Variants in CALD1 observed in about 807,000 individuals in gnomAD.
The protein encoded by CALD1 is caldesmon.
Under a neutral mutation model 99.9 loss-of-function variants are expected in CALD1, and 33 were observed. The ratio of observed to expected loss-of-function variants is 0.33; its 90% CI spans 0.25 to 0.44. CALD1 has a LOEUF of 0.44. Ranked by LOEUF, CALD1 falls within the 20% of genes least tolerant of loss-of-function variation. The pLI is 1.00. For synonymous variants in CALD1, 310 were observed against 325.0 expected (o/e 0.95, Z 0.50); for missense variants, 861 against 962.1 (o/e 0.89, Z 1.39).
chr7:134,883,099 G>A (rs904001026), intron 3 of CALD1, among the ~76,000 whole-genome samples: 4 of 152,136 alleles, frequency 2.6e-5, no homozygotes, highest in African/African-American at 7.2e-5. Context: ...CTCAAAGTAC[G>A]TAAACCCAGA....
intron 3 of CALD1, among the ~76,000 whole-genome samples, chr7:134,912,957 C>T (rs1255661838): frequency 6.6e-6 from 1 of 151,996 alleles, no homozygotes; most frequent in Non-Finnish European, 1.5e-5. Flanking sequence ...CTTTGTATAT[C>T]TTTGGGGATT....
chr7:134,939,439 C>G (rs988495509), intron 6 of CALD1, among the ~76,000 whole-genome samples: 1 of 152,168 alleles, frequency 6.6e-6, no homozygotes, highest in Non-Finnish European at 1.5e-5. Flanking sequence ...GTCAGGTTTC[C>G]TGATTTACAG....
At chr7:134,902,145 T>C (rs1169935567) in intron 3 of CALD1, among the ~76,000 whole-genome samples, 3 of 152,080 alleles carry the variant, frequency 2.0e-5, no homozygotes, top group African/African-American at 7.3e-5. Context: ...TATTGTGATA[T>C]TGGTTAGCTT....
chr7:134,950,356 T>G lies in CALD1; in HGVS notation c.1795-18T>G, dbSNP rs1191119201. 6.2e-7 allele frequency: 1 copy of G among 1,613,358 alleles called. No homozygotes were observed. The highest frequency in any genetic ancestry group is 1.7e-5 in the Admixed American group (1 of 59,976). On this transcript the variant is annotated intron_variant, in intron 8 of 14. Coordinates refer to ENST00000361675, the MANE Select transcript of CALD1 (RefSeq NM_033138.4). ...GAAGCTGGTACTGATGCCTCGTTAT[T>G]TGTTCTTTCTCTCTTAGGAAGAGAA...
At chr7:134,964,524 A>C (rs995644883) in intron 13 of CALD1, among the ~76,000 whole-genome samples, 1 of 152,142 alleles carries the variant, frequency 6.6e-6, no homozygotes, top group African/African-American at 2.4e-5. Context: ...GGGATGTTAT[A>C]ATAACTCTCT....
At position 134,968,330 on chromosome 7, in the gene CALD1, C is replaced by T; in HGVS notation, c.2377-10C>T. On this transcript the variant is annotated splice_polypyrimidine_tract_variant and intron_variant, in intron 14 of 14. Coordinates refer to ENST00000361675, the MANE Select transcript of CALD1 (RefSeq NM_033138.4). ...CAGGCTGTCAATTTCAAGTTCTCTT[C>T]TCTTGGCAGGTTTGAGACAGTTCCA... 1 of 1,613,762 alleles carries T rather than the reference C, an allele frequency of 6.2e-7. No individual in the cohort carries two copies. The highest frequency in any genetic ancestry group is 2.2e-5 in the East Asian group (1 of 44,876).
intron 1 of CALD1, among the ~76,000 whole-genome samples, chr7:134,774,372 C>T (rs934511496): frequency 6.6e-6 from 1 of 152,074 alleles, no homozygotes; most frequent in African/African-American, 2.4e-5. Context: ...GGGAGCCCTG[C>T]AGGGTGAGGC....
intron 13 of CALD1, chr7:134,960,877 T>A (rs557325837): frequency 3.2e-6 from 1 of 309,154 alleles, no homozygotes; most frequent in Admixed American, 4.6e-5. Context: ...TCAGCTAGAA[T>A]ACTGAGGCAG....
intron 1 of CALD1, among the ~76,000 whole-genome samples, chr7:134,842,763 T>C (rs1296970427): frequency 6.6e-6 from 1 of 152,168 alleles, no homozygotes; most frequent in Non-Finnish European, 1.5e-5. Flanking sequence ...ATGCTAGCAA[T>C]GTTTTTCTAT....
chr7:134,896,950 T>C (rs913716446), intron 3 of CALD1, among the ~76,000 whole-genome samples: 1 of 152,210 alleles, frequency 6.6e-6, no homozygotes, highest in Non-Finnish European at 1.5e-5. Flanking sequence ...AAAAAGGTGG[T>C]TGTAGGCTGG....
chr7:134,959,588 T>C (rs1455090318), intron 11 of CALD1, among the ~76,000 whole-genome samples: 1 of 152,094 alleles, frequency 6.6e-6, no homozygotes, highest in African/African-American at 2.4e-5. Context: ...GAGGATCACT[T>C]GAGCCCTGGA....
At chr7:134,794,026 A>G (rs1233291502) in intron 1 of CALD1, among the ~76,000 whole-genome samples, 1 of 152,140 alleles carries the variant, frequency 6.6e-6, no homozygotes. Flanking sequence ...TGCAGCTCAC[A>G]GAGGCCATGC....
the CALD1 span, among the ~76,000 whole-genome samples, chr7:134,712,627 T>C: frequency 6.6e-6 from 1 of 152,236 alleles, no homozygotes; most frequent in Admixed American, 6.5e-5. Flanking sequence ...TCATTTTACA[T>C]TTGTTCATCC....
In CALD1 at chr7:134,750,947, A is replaced by G. The variant is rs563485705; in HGVS notation, c.-130+6584A>G. Among the ~76,000 whole-genome samples the G allele has an allele frequency of 3.9e-5, 6 of 152,272 alleles. No homozygotes were observed. The East Asian group carries it at 1.2e-3, about 29-fold the overall frequency. On this transcript the variant is annotated intron_variant, in intron 1 of 13. Transcript: ENST00000417172. ...ATTCAGTCTCCCCTTATTACAGCCT[A>G]TCATTTGGGAATATGGCATGCTTCT...
chr7:134,931,395 A>G (rs1805512566), intron 4 of CALD1, among the ~76,000 whole-genome samples: 1 of 152,154 alleles, frequency 6.6e-6, no homozygotes. Flanking sequence ...TTAAATTATA[A>G]ATTTTTTGCA....
At chr7:134,775,839 C>T (rs927753796), upstream of CALD1, among the ~76,000 whole-genome samples, 1 of 152,104 alleles carries the variant, frequency 6.6e-6, no homozygotes, top group African/African-American at 2.4e-5. Context: ...TTTTCATGCC[C>T]TTAACTCAAG....
At chr7:134,896,703 A>C (rs796425613) in intron 3 of CALD1, among the ~76,000 whole-genome samples, 1 of 152,136 alleles carries the variant, frequency 6.6e-6, no homozygotes, top group Non-Finnish European at 1.5e-5. Context: ...CCTTTGATCT[A>C]TTGATCCTTG....
intron 3 of CALD1, among the ~76,000 whole-genome samples, chr7:134,878,225 T>C (rs1801438519): frequency 6.6e-6 from 1 of 152,142 alleles, no homozygotes. Context: ...CAGGTAAAGG[T>C]GTCAGTGAGA....
intron 1 of CALD1, among the ~76,000 whole-genome samples, chr7:134,754,725 T>C (rs964247661): frequency 7.7e-4 from 92 of 120,100 alleles, no homozygotes; most frequent in Admixed American, 1.3e-3. Context: ...TCACCACATA[T>C]AGAGTTCATT....
Sources: allele counts gnomAD v4.1 joint callset (sites outside exome capture counted in the v4.1 genomes callset), GRCh38; gene constraint gnomAD v4.1.1; transcripts MANE v1.5; gene names NCBI Gene and HGNC (gene_info 2026-07-23, HGNC 2026-07-21).